DPPA3: variants seen among roughly 807,000 people sequenced by gnomAD.
DPPA3 encodes the protein developmental pluripotency associated 3.
Under a neutral mutation model 15.6 loss-of-function variants are expected in DPPA3, and 9 were observed. The ratio of observed to expected loss-of-function variants is 0.58; its 90% CI spans 0.35 to 1.01. The LOEUF (loss-of-function observed/expected upper bound fraction) is 1.01, where lower values mean the gene tolerates loss of function less well. Ranked by LOEUF, DPPA3 falls within the 50% of genes least tolerant of loss-of-function variation. The probability of loss-of-function intolerance (pLI) is 0.02; values close to 1 mark genes in which losing one functional copy is unlikely to be tolerated. For missense variants in DPPA3, 148 were observed against 194.6 expected (o/e 0.76, Z 1.42); for synonymous variants, 61 against 70.9 (o/e 0.86, Z 0.70).
At chr12:7,715,518 C>A (rs1250677719) in intron 2 of DPPA3, 91 bp downstream of exon 2, 3 of 1,583,192 alleles carry the variant, frequency 1.9e-6, no homozygotes, top group Non-Finnish European at 2.6e-6. Flanking sequence ...GCTCTAGGCC[C>A]GGTGCGGTGG....
chr12:7,715,441 A>T lies in DPPA3; in HGVS notation c.327+14A>T. 1 of 1,613,808 alleles carries T rather than the reference A, an allele frequency of 6.2e-7. No homozygotes were observed. On this transcript the variant is annotated intron_variant, in intron 2 of 3. Transcript: ENST00000345088. ...GGAGTTCGTACGGTATGTTGATGTG[A>T]TGTGGCCGGGGCTGTCCAATTCCGG...
chr12:7,714,204 T>A (rs974578595), intron 1 of DPPA3, among the ~76,000 whole-genome samples: 9 of 152,006 alleles, frequency 5.9e-5, no homozygotes, highest in African/African-American at 2.2e-4. Flanking sequence ...CACTCCAGCC[T>A]GGGAGGCAGA....
At position 7,715,439 on chromosome 12, in the gene DPPA3, T is replaced by G. The variant is rs764978958; in HGVS notation, c.327+12T>G. The G allele has an allele frequency of 2.5e-6, 4 of 1,613,874 alleles. No homozygotes were observed. The South Asian group carries it at 4.4e-5, about 18-fold the overall frequency. ...GCGGAGTTCGTACGGTATGTTGATG[T>G]GATGTGGCCGGGGCTGTCCAATTCC... On this transcript the variant is annotated intron_variant, in intron 2 of 3. Transcript: ENST00000345088.
chr12:7,715,842 A>G (rs746673786), intron 2 of DPPA3, among the ~76,000 whole-genome samples: 2 of 151,988 alleles, frequency 1.3e-5, no homozygotes, highest in East Asian at 3.9e-4. Context: ...TGCACTTTGG[A>G]AGGCTGAGGT....
At chr12:7,711,681 T>G (rs765460543) in intron 1 of DPPA3, 29 bp downstream of exon 1, 1 of 1,549,930 alleles carries the variant, frequency 6.5e-7, no homozygotes, top group African/African-American at 1.4e-5. Flanking sequence ...TTCTTGACTA[T>G]CTGACTATAG....
At chr12:7,715,000 A>G (rs146363061) in intron 1 of DPPA3, among the ~76,000 whole-genome samples, 183 bp from the exon 2 acceptor site, 139 of 152,266 alleles carry the variant, frequency 9.1e-4, no homozygotes, top group African/African-American at 3.2e-3. Flanking sequence ...GGCGTGAGCC[A>G]CCGCGCTGGG....
rs189470689 is a variant in DPPA3 at position 7,715,261 on chromosome 12, C to T, written c.161C>T (p.Ser54Phe). ...LTINASSESV[S>F]PLSEALLRRE... ...ATCAACGCTAGTAGCGAATCTGTTT[C>T]CCCTCTATCGGAAGCTTTACTCCGT... Residue 54 changes from serine (S) to phenylalanine (F), a missense_variant, in exon 2 of 4, where the codon TCC becomes TTC. Coordinates refer to ENST00000345088, the MANE Select transcript of DPPA3 (RefSeq NM_199286.4). The T allele has an allele frequency of 1.4e-5, 22 of 1,613,760 alleles. No homozygotes were observed. The highest frequency in any genetic ancestry group is 1.8e-5 in the Non-Finnish European group (21 of 1,179,846).
chr12:7,715,084 C>T, intron 1 of DPPA3, 99 bp from the exon 2 acceptor site: 1 of 1,554,902 alleles, frequency 6.4e-7, no homozygotes. Flanking sequence ...TGAGGAATTT[C>T]CCACACAGCG....
In DPPA3 at chr12:7,716,197, G is replaced by A; in HGVS notation, c.328-1G>A. The A allele has an allele frequency of 6.2e-7, 1 of 1,604,344 alleles. No homozygotes were observed. Among genetic ancestry groups the A allele is most frequent in the Non-Finnish European group, 8.5e-7 (1 of 1,174,906 alleles). On this transcript the variant is annotated splice_acceptor_variant, in intron 2 of 3. Transcript: ENST00000345088. LOFTEE classifies it high-confidence loss of function. ...AATAAACATATTTTTTTCCCATGAA[G>A]CATGAAAGAAGACCAACAAACAAGG...
At chr12:7,716,895 T>C in intron 3 of DPPA3, 72 bp from the exon 4 acceptor site, 1 of 1,361,300 alleles carries the variant, frequency 7.3e-7, no homozygotes. Flanking sequence ...TAAACAACAT[T>C]ATAGTTGAGG....
In DPPA3 at chr12:7,717,294, T is replaced by A. The variant is rs1055423; in HGVS notation, c.*217T>A. 178,914 of 453,468 alleles carry A rather than the reference T, an allele frequency of 0.39. 35,915 individuals are homozygous for A. Among genetic ancestry groups the A allele is most frequent in the Middle Eastern group, 0.5 (859 of 1,726 alleles). 28.1% of individuals were successfully genotyped at this position (453,468 alleles called of 1,614,324 possible). A position where few individuals can be genotyped will look rare whatever the true frequency, so the allele number is the denominator to read the frequency against. The stretch of plus-strand genomic sequence containing the variant: ...ATAACTTTAGCTCTACTGTTTGATT[T>A]GACCCAAAGAAGCCAAGATGATATA... On this transcript the variant is annotated 3_prime_UTR_variant, in exon 4 of 4. Coordinates refer to ENST00000345088, the MANE Select transcript of DPPA3 (RefSeq NM_199286.4).
At chr12:7,714,869 C>T (rs757303155) in intron 1 of DPPA3, among the ~76,000 whole-genome samples, 89 of 152,076 alleles carry the variant, frequency 5.9e-4, no homozygotes, top group African/African-American at 2.0e-3. Context: ...CCCGCCACAA[C>T]GCCCGGCTAA....
rs759550763 is a variant in DPPA3, at chr12:7,717,139, T to G, written c.*62T>G. The G allele has an allele frequency of 4.6e-5, 44 of 958,660 alleles. No individual in the cohort carries two copies. In the East Asian group the frequency reaches 1.0e-3, roughly 22 times the overall value. The allele number at this position is 958,660 out of a possible 1,614,324, so 59.4% of individuals were successfully genotyped here. ...TTATATAGCAGGTTGAGAAAGCTAC[T>G]CTATGCTAGTATAGACTATACACCA... On this transcript the variant is annotated 3_prime_UTR_variant, in exon 4 of 4. Coordinates refer to ENST00000345088, the MANE Select transcript of DPPA3 (RefSeq NM_199286.4).
chr12:7,715,893 G>A (rs1185631437), intron 2 of DPPA3, among the ~76,000 whole-genome samples: 1 of 152,050 alleles, frequency 6.6e-6, no homozygotes, highest in Non-Finnish European at 1.5e-5. Flanking sequence ...GACCAGCCTA[G>A]GCAATATAAA....
intron 2 of DPPA3, 144 bp downstream of exon 2, chr12:7,715,571 G>A: frequency 7.8e-7 from 1 of 1,277,126 alleles, no homozygotes; most frequent in Non-Finnish European, 1.1e-6. Context: ...TGAGGCAGGT[G>A]GATCACCTGA....
rs772814233 is a variant in DPPA3, at chr12:7,711,574, G to A, written c.4G>A (p.Asp2Asn). 6 of 1,613,346 alleles carry A rather than the reference G, an allele frequency of 3.7e-6. No individual in the cohort carries two copies. Among genetic ancestry groups the A allele is most frequent in the South Asian group, 3.3e-5 (3 of 90,986 alleles). Residue 2 changes from aspartate (D) to asparagine (N), a missense_variant, in exon 1 of 4, where the codon GAC becomes AAC. Transcript: ENST00000345088. ...CTAGTGTTGTGTCAAGACGCCGATGGACCCATCACAGTTTAATCCAACCTA... is the reference window on the plus strand; with the variant it reads ...CTAGTGTTGTGTCAAGACGCCGATGAACCCATCACAGTTTAATCCAACCTA... M[D>N]PSQFNPTYIP... is the part of the protein sequence containing the mutation.
intron 2 of DPPA3, 46 bp downstream of exon 2, chr12:7,715,473 A>G (rs1351161403): frequency 7.4e-6 from 12 of 1,612,724 alleles, no homozygotes; most frequent in Non-Finnish European, 1.0e-5. Context: ...CCGGAGAGTG[A>G]CACTCATAAA....
At position 7,711,475 on chromosome 12, in the gene DPPA3, C is replaced by T; in HGVS notation, c.-96C>T. The T allele has an allele frequency of 5.1e-6, 6 of 1,178,532 alleles. No individual in the cohort carries two copies. The highest frequency in any genetic ancestry group is 4.6e-5 in the South Asian group (3 of 65,080). 73.0% of individuals were successfully genotyped at this position (1,178,532 alleles called of 1,614,324 possible). A position where few individuals can be genotyped will look rare whatever the true frequency, so the allele number is the denominator to read the frequency against. On this transcript the variant is annotated 5_prime_UTR_variant, in exon 1 of 4. Transcript: ENST00000345088. Reference sequence around the variant, plus strand: ...TCGTTGGAGCTCCGGTTTTCAGCCTCTTTCCGGGCTACCTGGTAGCAATTT... The same window carrying T: ...TCGTTGGAGCTCCGGTTTTCAGCCTTTTTCCGGGCTACCTGGTAGCAATTT...
chr12:7,716,915 A>AT, intron 3 of DPPA3, 52 bp from the exon 4 acceptor site: 1 of 1,482,562 alleles, frequency 6.7e-7, no homozygotes, highest in Non-Finnish European at 9.4e-7. Context: ...GGCTTATTAC[A>AT]TTTCTCTGGG....
Sources: gnomAD v4.1 joint callset for allele counts (sites outside exome capture counted in the v4.1 genomes callset) on GRCh38, gnomAD v4.1.1 for gene constraint, MANE v1.5 for transcripts, NCBI Gene and HGNC (gene_info 2026-07-23, HGNC 2026-07-21) for gene names.